Variants in GABRB1 observed in about 807,000 individuals in gnomAD.
GABRB1 encodes the protein gamma-aminobutyric acid receptor subunit beta-1.
A neutral mutation model predicts 51.6 loss-of-function variants in GABRB1; 17 were observed. The observed-to-expected ratio is 0.33, with a 90% CI of 0.23 to 0.49. The LOEUF is 0.49. GABRB1 is among the 20% of genes least tolerant of loss of function. The pLI, the probability that GABRB1 is intolerant of heterozygous loss-of-function variation, is 0.99. For missense variants in GABRB1, 410 were observed against 600.6 expected, an observed-to-expected ratio of 0.68 and a Z score of 3.32; for synonymous variants, 247 against 218.9, an observed-to-expected ratio of 1.13 and a Z score of -1.14.
intron 2 of GABRB1, 86 bp downstream of exon 2, chr4:47,032,091 A>T: frequency 2.2e-6 from 2 of 895,058 alleles, no homozygotes; most frequent in Non-Finnish European, 3.5e-6. Flanking sequence ...AAAAAAGAAA[A>T]GGCATGTCAT....
intron 3 of GABRB1, among the ~76,000 whole-genome samples, chr4:47,052,049 G>A (rs1313352278): frequency 6.6e-6 from 1 of 152,110 alleles, no homozygotes; most frequent in East Asian, 1.9e-4. Context: ...GAATCTGCTT[G>A]AACCCAGGAG....
At chr4:47,317,399 T>C (rs1386041354) in intron 4 of GABRB1, among the ~76,000 whole-genome samples, 1 of 151,916 alleles carries the variant, frequency 6.6e-6, no homozygotes, top group Admixed American at 6.6e-5. Context: ...ACAAATGAAT[T>C]TTTAATATTT....
At chr4:47,420,591 A>G (rs934753116) in intron 8 of GABRB1, among the ~76,000 whole-genome samples, 1 of 152,162 alleles carries the variant, frequency 6.6e-6, no homozygotes, top group Non-Finnish European at 1.5e-5. Context: ...ATATTTCTTT[A>G]TTAATTAGGC....
chr4:47,286,983 G>A (rs1045668438), intron 4 of GABRB1, among the ~76,000 whole-genome samples: 2 of 151,782 alleles, frequency 1.3e-5, no homozygotes, highest in Non-Finnish European at 2.9e-5. Context: ...ACTCATGGCT[G>A]GGGGATTTGT....
intron 5 of GABRB1, among the ~76,000 whole-genome samples, chr4:47,354,044 A>G (rs1437762083): frequency 6.6e-6 from 1 of 152,180 alleles, no homozygotes; most frequent in African/African-American, 2.4e-5. Flanking sequence ...TAGGTTGGGA[A>G]ATAGTTACTG....
chr4:47,402,066 A>T (rs1728414827), intron 5 of GABRB1, among the ~76,000 whole-genome samples: 1 of 152,216 alleles, frequency 6.6e-6, no homozygotes, highest in Non-Finnish European at 1.5e-5. Context: ...ACTGGTGATT[A>T]TATCTGGAAG....
intron 3 of GABRB1, among the ~76,000 whole-genome samples, chr4:47,078,919 C>T (rs1313807417): frequency 1.3e-5 from 2 of 152,162 alleles, no homozygotes; most frequent in Admixed American, 6.6e-5. Context: ...GAGGCTTGGC[C>T]ATTCAATAAA....
chr4:47,047,985 A>G (rs1301441566), intron 3 of GABRB1, among the ~76,000 whole-genome samples: 1 of 152,120 alleles, frequency 6.6e-6, no homozygotes, highest in Non-Finnish European at 1.5e-5. Flanking sequence ...CTTCAGAACA[A>G]AAAAAGATAA....
chr4:47,189,184 G>A (rs1045736272), intron 4 of GABRB1, among the ~76,000 whole-genome samples: 2 of 151,832 alleles, frequency 1.3e-5, no homozygotes, highest in Non-Finnish European at 2.9e-5. Context: ...AAATAGAAGA[G>A]GTCAGGGTAA....
intron 5 of GABRB1, among the ~76,000 whole-genome samples, chr4:47,402,915 T>C (rs1270467517): frequency 6.6e-6 from 1 of 152,226 alleles, no homozygotes; most frequent in Non-Finnish European, 1.5e-5. Context: ...CTGTTATCCA[T>C]TTAACAAATA....
intron 4 of GABRB1, among the ~76,000 whole-genome samples, chr4:47,312,361 A>C (rs183870332): frequency 2.7e-4 from 41 of 152,266 alleles, no homozygotes; most frequent in African/African-American, 9.6e-4. Flanking sequence ...TGTCACAACT[A>C]TGAAGATAAT....
At chr4:47,277,857 C>T (rs6828149) in intron 4 of GABRB1, among the ~76,000 whole-genome samples, 152,112 of 152,172 alleles carry the variant, frequency 1, 76,027 homozygotes, top group Middle Eastern at 1. Context: ...TATATAACTA[C>T]ATTATATGTT....
intron 4 of GABRB1, among the ~76,000 whole-genome samples, chr4:47,164,150 C>A (rs535948969): frequency 6.6e-6 from 1 of 151,972 alleles, no homozygotes; most frequent in Non-Finnish European, 1.5e-5. Context: ...TACCTCCCAC[C>A]GGGCCCTCCC....
intron 3 of GABRB1, among the ~76,000 whole-genome samples, chr4:47,034,764 G>A (rs1404191489): frequency 6.6e-6 from 1 of 152,080 alleles, no homozygotes; most frequent in African/African-American, 2.4e-5. Flanking sequence ...TTTTAAAATT[G>A]AGGGTTCTGT....
intron 5 of GABRB1, among the ~76,000 whole-genome samples, chr4:47,378,314 C>T (rs1190051270): frequency 6.6e-6 from 1 of 152,228 alleles, no homozygotes; most frequent in Non-Finnish European, 1.5e-5. Flanking sequence ...CCCTCATTGC[C>T]TGGCGCGCCG....
At chr4:47,055,046 T>C (rs1394134667) in intron 3 of GABRB1, among the ~76,000 whole-genome samples, 1 of 152,234 alleles carries the variant, frequency 6.6e-6, no homozygotes, top group Non-Finnish European at 1.5e-5. Context: ...TTCTAGATTA[T>C]TTATTCTTAC....
intron 4 of GABRB1, among the ~76,000 whole-genome samples, chr4:47,179,106 C>T (rs1398618704): frequency 4.6e-5 from 7 of 152,040 alleles, no homozygotes; most frequent in Non-Finnish European, 1.5e-5. Context: ...CTAATGTTAT[C>T]TCTCCCCTAG....
At chr4:47,229,837 A>G (rs1721072836) in intron 4 of GABRB1, among the ~76,000 whole-genome samples, 1 of 152,134 alleles carries the variant, frequency 6.6e-6, no homozygotes, top group African/African-American at 2.4e-5. Flanking sequence ...TATAAGAGAC[A>G]AGAAATGGAT....
At chr4:47,126,810 T>C (rs1716165250) in intron 3 of GABRB1, among the ~76,000 whole-genome samples, 1 of 152,028 alleles carries the variant, frequency 6.6e-6, no homozygotes, top group South Asian at 2.1e-4. Flanking sequence ...TATGCAGATA[T>C]TGAATCATAG....
Sources: gnomAD v4.1 joint callset for allele counts (sites outside exome capture counted in the v4.1 genomes callset) on GRCh38, gnomAD v4.1.1 for gene constraint, MANE v1.5 for transcripts, NCBI Gene and HGNC (gene_info 2026-07-23, HGNC 2026-07-21) for gene names.